Variants in ARHGAP18 observed in about 807,000 individuals in gnomAD.
The protein encoded by ARHGAP18 is rho GTPase-activating protein 18.
Under a neutral mutation model 86.2 loss-of-function variants are expected in ARHGAP18, and 67 were observed. The ratio of observed to expected loss-of-function variants is 0.78; its 90% CI spans 0.64 to 0.95. The LOEUF is 0.95. Among genes scored for constraint, ARHGAP18 ranks in the 40% least tolerant of loss-of-function variants. The pLI is 0.00. For missense variants in ARHGAP18, 691 were observed against 780.4 expected (o/e 0.89, Z 1.37); for synonymous variants, 283 against 280.4 (o/e 1.01, Z -0.09).
At chr6:129,695,303 A>C (rs1048674443) in intron 1 of ARHGAP18, among the ~76,000 whole-genome samples, 5 of 152,188 alleles carry the variant, frequency 3.3e-5, no homozygotes, top group Admixed American at 3.3e-4. Flanking sequence ...TAACTGCAGT[A>C]AACTTTGTTT....
chr6:129,629,305 ATATGTATATG>A, intron 5 of ARHGAP18, 38 bp downstream of exon 5: 1 of 1,502,280 alleles, frequency 6.7e-7, no homozygotes, highest in African/African-American at 1.4e-5. Flanking sequence ...GTGTGTATAT[ATATGTATATG>A]TACATATATG....
intron 1 of ARHGAP18, among the ~76,000 whole-genome samples, chr6:129,668,399 C>CACACACACACACACACAG (rs1562718322): frequency 1.5e-5 from 2 of 135,404 alleles, no homozygotes; most frequent in African/African-American, 5.1e-5. Context: ...CACACACACA[C>CACACACACACACACACAG]AGACACACAC....
intron 1 of ARHGAP18, chr6:129,661,779 C>T (rs941246170): frequency 1.5e-6 from 1 of 654,554 alleles, no homozygotes. Context: ...CCACAAATAA[C>T]GTGCAGGGTA....
At chr6:129,707,234 G>GA (rs201051976) in intron 1 of ARHGAP18, among the ~76,000 whole-genome samples, 233 of 148,868 alleles carry the variant, frequency 1.6e-3, no homozygotes, top group African/African-American at 2.3e-3. Flanking sequence ...ACTCCATCTC[G>GA]AAAAAAAAAA....
intron 1 of ARHGAP18, among the ~76,000 whole-genome samples, chr6:129,688,137 T>G (rs1338583470): frequency 2.6e-5 from 4 of 152,148 alleles, no homozygotes; most frequent in African/African-American, 9.7e-5. Context: ...CAACCTCTCG[T>G]TCCAGTCTTT....
chr6:129,637,620 C>A (rs77598524), intron 3 of ARHGAP18, among the ~76,000 whole-genome samples: 1,835 of 152,270 alleles, frequency 0.012, 36 homozygotes, highest in African/African-American at 0.042. Flanking sequence ...CTACTTGTGT[C>A]AATCACCAAA....
At chr6:129,640,063 AACAAAC>A in intron 2 of ARHGAP18, among the ~76,000 whole-genome samples, 2 of 138,870 alleles carry the variant, frequency 1.4e-5, no homozygotes, top group Non-Finnish European at 3.1e-5. Flanking sequence ...AAAAAAAAAA[AACAAAC>A]AAAAGTCAGC....
intron 1 of ARHGAP18, chr6:129,661,918 A>G (rs1350659226): frequency 8.1e-6 from 8 of 985,220 alleles, no homozygotes; most frequent in Non-Finnish European, 9.6e-6. Context: ...TCCACCAAGC[A>G]GTCATCTGTG....
At chr6:129,689,358 A>T (rs1774486324) in intron 1 of ARHGAP18, among the ~76,000 whole-genome samples, 1 of 152,098 alleles carries the variant, frequency 6.6e-6, no homozygotes, top group Non-Finnish European at 1.5e-5. Flanking sequence ...CAGTAGCGTG[A>T]TCTCGGCTCA....
Position 129,578,500 on chromosome 6 carries a change from CTTG to C in ARHGAP18, c.*10_*12del, listed in dbSNP as rs1239437685. On this transcript the variant is annotated 3_prime_UTR_variant, in exon 15 of 15. Transcript: ENST00000368149. ...CAGAAGTCCACATGGTTATCTGCAGCTTGTTAAGTCTTCTACAATGGCTTTGAC... is the reference window on the plus strand; with the variant it reads ...CAGAAGTCCACATGGTTATCTGCAGCTTAAGTCTTCTACAATGGCTTTGAC... 1.9e-6 allele frequency: 3 copies of C among 1,603,356 alleles called. No homozygotes were observed. Among genetic ancestry groups the C allele is most frequent in the Non-Finnish European group, 2.6e-6 (3 of 1,172,444 alleles).
chr6:129,695,142 G>A (rs979966476), intron 1 of ARHGAP18, among the ~76,000 whole-genome samples: 6 of 151,868 alleles, frequency 4.0e-5, no homozygotes, highest in Non-Finnish European at 8.8e-5. Context: ...AAAAAATAAT[G>A]GCTTCTAGGT....
chr6:129,604,083 C>G (rs1350491006), intron 10 of ARHGAP18, among the ~76,000 whole-genome samples: 1 of 152,054 alleles, frequency 6.6e-6, no homozygotes, highest in Admixed American at 6.6e-5. Flanking sequence ...TTCAAATGTT[C>G]TATTATTAAA....
intron 5 of ARHGAP18, among the ~76,000 whole-genome samples, chr6:129,625,625 TTA>T (rs1341510216): frequency 2.9e-5 from 2 of 67,994 alleles, no homozygotes; most frequent in African/African-American, 1.1e-4. Flanking sequence ...TATTTATATA[TTA>T]TATATATTTA....
chr6:129,703,283 T>C (rs1774749576), intron 1 of ARHGAP18, among the ~76,000 whole-genome samples: 1 of 152,260 alleles, frequency 6.6e-6, no homozygotes, highest in African/African-American at 2.4e-5. Flanking sequence ...AGCAATCATG[T>C]GCATCATTAA....
rs1562696490 is a variant in ARHGAP18 at position 129,625,164 on chromosome 6, TTATATATG to T, written c.786+4181_786+4188del. ...ATATTATATATTATATAGATATATA[TTATATATG>T]ATATATTATATATTATATATGATAT... is the stretch of plus-strand genomic sequence containing the variant. On this transcript the variant is annotated intron_variant, in intron 5 of 14. Coordinates refer to ENST00000368149, the MANE Select transcript of ARHGAP18 (RefSeq NM_033515.3). Among the ~76,000 whole-genome samples, 22 of 56,544 alleles carry T rather than the reference TTATATATG, an allele frequency of 3.9e-4. 4 individuals carry two copies. The highest frequency in any genetic ancestry group is 3.0e-3 in the South Asian group (5 of 1,668). 37.1% of individuals were successfully genotyped at this position (56,544 alleles called of 152,430 possible). A position where few individuals can be genotyped will look rare whatever the true frequency, so the allele number is the denominator to read the frequency against.
chr6:129,684,509 C>A lies in ARHGAP18; in HGVS notation c.113+25515G>T, dbSNP rs150192935. ...AAATTTTCTCTATTGAGAATGTTGT[C>A]TTGTAGGGCAAAGTTTTGAAAGTTC... On this transcript the variant is annotated intron_variant, in intron 1 of 14. Transcript: ENST00000368149. Among the ~76,000 whole-genome samples the A allele has an allele frequency of 4.6e-5, 7 of 152,256 alleles. No homozygotes were observed. The East Asian group carries it at 7.7e-4, about 17-fold the overall frequency.
At chr6:129,693,792 A>G (rs920831116) in intron 1 of ARHGAP18, among the ~76,000 whole-genome samples, 1 of 152,198 alleles carries the variant, frequency 6.6e-6, no homozygotes, top group Non-Finnish European at 1.5e-5. Flanking sequence ...GATGAGGATA[A>G]TAATTCTCAT....
intron 12 of ARHGAP18, among the ~76,000 whole-genome samples, chr6:129,597,802 AAAATGAC>A (rs1788644813): frequency 6.6e-6 from 1 of 152,230 alleles, no homozygotes; most frequent in Non-Finnish European, 1.5e-5. Flanking sequence ...CCCAAGCTTT[AAAATGAC>A]AATACAGTTT....
At chr6:129,601,625 ATCTT>A (rs922517163) in intron 10 of ARHGAP18, among the ~76,000 whole-genome samples, 4 of 144,188 alleles carry the variant, frequency 2.8e-5, no homozygotes, top group African/African-American at 9.9e-5. Flanking sequence ...ACCAAAGAGA[ATCTT>A]TCTTTTTTTT....
Sources: allele counts gnomAD v4.1 joint callset (sites outside exome capture counted in the v4.1 genomes callset), GRCh38; gene constraint gnomAD v4.1.1; transcripts MANE v1.5; gene names NCBI Gene and HGNC (gene_info 2026-07-23, HGNC 2026-07-21).